G3BP2: variants seen among roughly 807,000 people sequenced by gnomAD.
The protein encoded by G3BP2 is G3BP stress granule assembly factor 2.
In G3BP2, 11 loss-of-function variants were observed where a neutral mutation model predicts 56.7. The ratio of observed to expected loss-of-function variants is 0.19; its 90% confidence interval spans 0.12 to 0.32. The LOEUF is 0.32. G3BP2 is among the 10% of genes least tolerant of loss of function. The probability of loss-of-function intolerance (pLI) is 1.00; values close to 1 mark genes in which losing one functional copy is unlikely to be tolerated. For synonymous variants in G3BP2, 165 were observed against 191.6 expected, an observed-to-expected ratio of 0.86 and a Z score of 1.15; for missense variants, 340 against 610.9, an observed-to-expected ratio of 0.56 and a Z score of 4.67.
chr4:75,691,238 C>T (rs1718843358), intron 3 of G3BP2, among the ~76,000 whole-genome samples: 1 of 152,146 alleles, frequency 6.6e-6, no homozygotes, highest in Non-Finnish European at 1.5e-5. Context: ...CACCACCCTG[C>T]CCAGGTAATT....
chr4:75,661,573 G>A (rs1483883013), intron 2 of G3BP2: 4 of 154,348 alleles, frequency 2.6e-5, no homozygotes, highest in Non-Finnish European at 5.7e-5. Flanking sequence ...CTGGGAGATC[G>A]CTTGAGGCCA....
At chr4:75,665,066 C>A (rs961830361) in intron 1 of G3BP2, among the ~76,000 whole-genome samples, 9 of 152,198 alleles carry the variant, frequency 5.9e-5, no homozygotes, top group Admixed American at 5.9e-4. Context: ...CAGAGACAGC[C>A]CTGCATAGGT....
chr4:75,701,491 G>A (rs1719343365), intron 3 of G3BP2, among the ~76,000 whole-genome samples: 1 of 151,512 alleles, frequency 6.6e-6, no homozygotes, highest in Non-Finnish European at 1.5e-5. Flanking sequence ...GCAATGGCAC[G>A]GATCTTGGCT....
Position 75,667,355 on chromosome 4 carries a change from G to T in G3BP2, c.-24-5306C>A, listed in dbSNP as rs867534637. Among the ~76,000 whole-genome samples the T allele has an allele frequency of 8.6e-5, 13 of 150,380 alleles. 1 individual carries two copies. Among genetic ancestry groups the T allele is most frequent in the Admixed American group, 2.7e-4 (4 of 15,066 alleles). ...ATACACAAAAAGAAATCTTTAGAAAGTTCTTAGATTAGCACCTTCAAAGAT... is the reference window on the plus strand; with the variant it reads ...ATACACAAAAAGAAATCTTTAGAAATTTCTTAGATTAGCACCTTCAAAGAT... On this transcript the variant is annotated intron_variant, in intron 1 of 11. Coordinates refer to ENST00000359707, the MANE Select transcript of G3BP2 (RefSeq NM_203505.3).
intron 3 of G3BP2, among the ~76,000 whole-genome samples, chr4:75,689,268 T>G (rs1271331466): frequency 6.6e-6 from 1 of 151,242 alleles, no homozygotes; most frequent in East Asian, 1.9e-4. Context: ...TCCCACCTAC[T>G]GGGGAGGCTG....
At chr4:75,721,249 T>TA (rs1350510888) in intron 2 of G3BP2, among the ~76,000 whole-genome samples, 1 of 140,450 alleles carries the variant, frequency 7.1e-6, no homozygotes, top group African/African-American at 2.8e-5. Context: ...CCTCAACTAG[T>TA]CTTTTTTTTT....
chr4:75,680,116 C>T (rs1734014960), intron 3 of G3BP2, among the ~76,000 whole-genome samples: 1 of 152,170 alleles, frequency 6.6e-6, no homozygotes, highest in Non-Finnish European at 1.5e-5. Flanking sequence ...CTCTCCTCAC[C>T]AAGCACTGTG....
chr4:75,687,469 G>C (rs1053739724), intron 3 of G3BP2, among the ~76,000 whole-genome samples: 6 of 152,152 alleles, frequency 3.9e-5, no homozygotes, highest in Non-Finnish European at 8.8e-5. Flanking sequence ...GTCTTTACCA[G>C]CTGTGTGAAA....
intron 3 of G3BP2, among the ~76,000 whole-genome samples, chr4:75,714,103 T>C (rs1719847947): frequency 6.6e-6 from 1 of 152,162 alleles, no homozygotes; most frequent in Non-Finnish European, 1.5e-5. Context: ...GAAAAAAACT[T>C]TTTCCCCAAA....
chr4:75,695,803 G>A (rs188912296), intron 3 of G3BP2, among the ~76,000 whole-genome samples: 10 of 151,984 alleles, frequency 6.6e-5, no homozygotes, highest in Admixed American at 5.2e-4. Flanking sequence ...GGTAAAACCC[G>A]TCTCTACTAA....
In G3BP2 at chr4:75,645,377, T is replaced by C; in HGVS notation, c.*53A>G. On this transcript the variant is annotated 3_prime_UTR_variant, in exon 12 of 12. Transcript: ENST00000359707. Reference sequence around the variant, plus strand: ...AAGCCAAAAAAAAAATTAACAAGAATGCAAACACGATGAATAATGTACCAC... The same window carrying C: ...AAGCCAAAAAAAAAATTAACAAGAACGCAAACACGATGAATAATGTACCAC... The C allele has an allele frequency of 2.0e-6, 3 of 1,520,760 alleles. No individual in the cohort carries two copies. Among genetic ancestry groups the C allele is most frequent in the South Asian group, 1.2e-5 (1 of 80,118 alleles). 94.2% of individuals were successfully genotyped at this position (1,520,760 alleles called of 1,614,324 possible).
rs58606796 is a variant in G3BP2 at position 75,681,325 on chromosome 4, A to AAAATAAAT, written c.-24-19284_-24-19277dup. Among the ~76,000 whole-genome samples, 346 of 150,002 alleles carry AAAATAAAT rather than the reference A, an allele frequency of 2.3e-3. 1 individual carries two copies. The highest frequency in any genetic ancestry group is 8.1e-3 in the African/African-American group (330 of 40,816). On this transcript the variant is annotated intron_variant, in intron 3 of 3. Coordinates refer to the G3BP2 transcript ENST00000499709. ...GGCGAAAGAGCGAGACTCCGTCTCA[A>AAAATAAAT]AAATAAATAAATAAATAAATATAGT...
chr4:75,646,977 T>C, intron 10 of G3BP2, 52 bp downstream of exon 10: 2 of 1,217,450 alleles, frequency 1.6e-6, no homozygotes, highest in East Asian at 2.5e-5. Context: ...CATATGCCTC[T>C]TGCTTAATTT....
intron 2 of G3BP2, 96 bp from the exon 3 acceptor site, chr4:75,659,020 G>C (rs1732338350): frequency 2.2e-6 from 2 of 908,108 alleles, no homozygotes; most frequent in South Asian, 2.7e-5. Context: ...ATCCCGCTCT[G>C]TCACTAATTA....
chr4:75,666,146 A>G (rs1356722973), intron 1 of G3BP2, among the ~76,000 whole-genome samples: 1 of 152,244 alleles, frequency 6.6e-6, no homozygotes, highest in Non-Finnish European at 1.5e-5. Flanking sequence ...CAAGGTTCAA[A>G]AAAAGCTTCA....
chr4:75,649,512 T>C (rs1001115901), intron 8 of G3BP2, among the ~76,000 whole-genome samples: 6 of 152,188 alleles, frequency 3.9e-5, no homozygotes, highest in African/African-American at 1.2e-4. Flanking sequence ...ATTAAACATA[T>C]AATTATTTTT....
intron 3 of G3BP2, among the ~76,000 whole-genome samples, chr4:75,678,640 C>A (rs1389777474): frequency 6.6e-6 from 1 of 152,074 alleles, no homozygotes; most frequent in Non-Finnish European, 1.5e-5. Context: ...TATAGCAAGA[C>A]CCCATTTCCA....
At chr4:75,689,291 C>T (rs13135568) in intron 3 of G3BP2, among the ~76,000 whole-genome samples, 45,809 of 151,556 alleles carry the variant, frequency 0.3, 8,518 homozygotes, top group East Asian at 0.76. Flanking sequence ...GCAGGAGAAT[C>T]GCTTGAACCC....
At position 75,712,691 on chromosome 4, in the gene G3BP2, C is replaced by A. The variant is rs564222073; in HGVS notation, c.-25+8186G>T. 5.9e-5 allele frequency among the ~76,000 whole-genome samples: 9 copies of A among 152,128 alleles called. 1 individual carries two copies. The South Asian group carries it at 1.9e-3, about 32-fold the overall frequency. On this transcript the variant is annotated intron_variant, in intron 3 of 3. Transcript: ENST00000499709. ...GGGAGAATAAATGAATAGCCATTAACCCCAAAAGTGAACAATTATCTTGAA... is the reference window on the plus strand; with the variant it reads ...GGGAGAATAAATGAATAGCCATTAAACCCAAAAGTGAACAATTATCTTGAA...
Sources: allele counts gnomAD v4.1 joint callset (sites outside exome capture counted in the v4.1 genomes callset), GRCh38; gene constraint gnomAD v4.1.1; transcripts MANE v1.5; gene names NCBI Gene and HGNC (gene_info 2026-07-23, HGNC 2026-07-21).